Variants in ARHGAP44 observed in about 807,000 individuals in gnomAD.
ARHGAP44 encodes the protein Rho GTPase activating protein 44.
ARHGAP44 carries 43 observed loss-of-function variants against 106.8 expected under a neutral mutation model. That is an observed-to-expected ratio of 0.40 (90% CI 0.32 to 0.52). ARHGAP44 has a LOEUF of 0.52. Among genes scored for constraint, ARHGAP44 ranks in the 20% least tolerant of loss-of-function variants. The pLI, the probability that ARHGAP44 is intolerant of heterozygous loss-of-function variation, is 0.48. For synonymous variants in ARHGAP44, 439 were observed against 410.3 expected (o/e 1.07, Z -0.85); for missense variants, 866 against 1,050.5 (o/e 0.82, Z 2.43).
chr17:12,971,100 T>C (rs1020383446), intron 16 of ARHGAP44, among the ~76,000 whole-genome samples: 2 of 152,214 alleles, frequency 1.3e-5, no homozygotes, highest in African/African-American at 4.8e-5. Context: ...AAAGTCGTGA[T>C]TGCATATGGC....
At chr17:12,989,116 A>AAAG (rs2040040147) in intron 20 of ARHGAP44, among the ~76,000 whole-genome samples, 1 of 146,320 alleles carries the variant, frequency 6.8e-6, no homozygotes, top group Admixed American at 6.8e-5. Flanking sequence ...AAAAAAAAAA[A>AAAG]AAAAAAAAAC....
intron 7 of ARHGAP44, among the ~76,000 whole-genome samples, chr17:12,931,587 C>T (rs1280161584): frequency 1.3e-5 from 2 of 151,900 alleles, no homozygotes; most frequent in South Asian, 2.1e-4. Flanking sequence ...AGCTCCGCCT[C>T]CCGGGTTCAC....
At chr17:12,963,732 G>A (rs1598127505) in intron 16 of ARHGAP44, among the ~76,000 whole-genome samples, 1 of 127,100 alleles carries the variant, frequency 7.9e-6, no homozygotes, top group South Asian at 3.0e-4. Flanking sequence ...CCGGCCTTGC[G>A]AAGCCCTGCC....
intron 4 of ARHGAP44, among the ~76,000 whole-genome samples, chr17:12,913,564 AT>A (rs1007334443): frequency 1.3e-5 from 2 of 152,210 alleles, no homozygotes; most frequent in Non-Finnish European, 2.9e-5. Context: ...TAATATTTAA[AT>A]TTTTTTAATT....
chr17:12,898,125 G>A lies in ARHGAP44; in HGVS notation c.198+1614G>A, dbSNP rs547064328. 4.8e-3 allele frequency among the ~76,000 whole-genome samples: 724 copies of A among 152,228 alleles called. 5 individuals are homozygous for A. The highest frequency in any genetic ancestry group is 0.017 in the African/African-American group (695 of 41,532). On this transcript the variant is annotated intron_variant, in intron 3 of 20. Coordinates refer to ENST00000379672, the MANE Select transcript of ARHGAP44 (RefSeq NM_014859.6). ...CAGGGGAAGCTCTAGGGTTGGTCAG[G>A]AGGTAAAGGAGGGGACTGTGGGCCA...
intron 1 of ARHGAP44, among the ~76,000 whole-genome samples, chr17:12,849,654 C>T (rs115950408): frequency 0.019 from 2,575 of 133,288 alleles, 79 homozygotes; most frequent in African/African-American, 0.072. Context: ...TGCTGTTGCT[C>T]AACAGTAGGA....
At position 12,789,816 on chromosome 17, in the gene ARHGAP44, G is replaced by T. The variant is rs2033678379; in HGVS notation, c.-23G>T. The T allele has an allele frequency of 6.7e-7, 1 of 1,500,368 alleles. No homozygotes were observed. The highest frequency in any genetic ancestry group is 8.9e-7 in the Non-Finnish European group (1 of 1,126,056). 92.9% of individuals were successfully genotyped at this position (1,500,368 alleles called of 1,614,324 possible). A position where few individuals can be genotyped will look rare whatever the true frequency, so the allele number is the denominator to read the frequency against. On this transcript the variant is annotated 5_prime_UTR_variant, in exon 1 of 21. Coordinates refer to ENST00000379672, the MANE Select transcript of ARHGAP44 (RefSeq NM_014859.6). The stretch of plus-strand genomic sequence containing the variant: ...TGCTCCGTCCTTCCCCAGCTCCCGG[G>T]CTAGCGCGGCAGCGGGGCCACGATG...
At chr17:12,911,991 A>C (rs935837622) in intron 4 of ARHGAP44, among the ~76,000 whole-genome samples, 5 of 152,226 alleles carry the variant, frequency 3.3e-5, no homozygotes, top group Non-Finnish European at 5.9e-5. Flanking sequence ...CTACAGATGA[A>C]TTCACATACT....
Position 12,984,844 on chromosome 17 carries a change from T to C in ARHGAP44, c.2253T>C (p.Ser751=). 1 of 1,613,984 alleles carries C rather than the reference T, an allele frequency of 6.2e-7. No homozygotes were observed. Residue 751 remains serine, a synonymous_variant, in exon 20 of 21, where the codon TCT becomes TCC. Transcript: ENST00000379672. ...PQPPTVNLSA[S]SPQSTEAPML... is the part of the protein sequence containing the mutation. ...CTCCCACAGTAAACCTCTCGGCCTC[T>C]AGTCCACAGTCCACGGAGGCCCCCA... is the stretch of plus-strand genomic sequence containing the variant.
At chr17:12,804,785 CTAGT>C (rs2034223595) in intron 1 of ARHGAP44, among the ~76,000 whole-genome samples, 1 of 152,162 alleles carries the variant, frequency 6.6e-6, no homozygotes, top group Non-Finnish European at 1.5e-5. Flanking sequence ...GTATTGTATT[CTAGT>C]TATACTTCTG....
intron 1 of ARHGAP44, among the ~76,000 whole-genome samples, chr17:12,817,667 A>G (rs1030768980): frequency 2.0e-5 from 3 of 152,064 alleles, no homozygotes; most frequent in Non-Finnish European, 2.9e-5. Context: ...CAAATTACTA[A>G]TATCAGGAAT....
intron 14 of ARHGAP44, 82 bp from the exon 15 acceptor site, chr17:12,956,573 C>A (rs2039131485): frequency 8.1e-7 from 1 of 1,232,042 alleles, no homozygotes; most frequent in Non-Finnish European, 1.2e-6. Flanking sequence ...CCTTCCTGGG[C>A]TCTGCAGCCA....
chr17:12,941,867 AT>A (rs2038718733), intron 8 of ARHGAP44, among the ~76,000 whole-genome samples: 1 of 152,194 alleles, frequency 6.6e-6, no homozygotes, highest in African/African-American at 2.4e-5. Context: ...AAAATCAGTT[AT>A]GCTCACCTGC....
chr17:12,909,196 A>G (rs2037648786), intron 4 of ARHGAP44, among the ~76,000 whole-genome samples: 1 of 152,212 alleles, frequency 6.6e-6, no homozygotes, highest in African/African-American at 2.4e-5. Context: ...AAACTGATGA[A>G]GGACAATTGA....
rs1335505539 is a variant in ARHGAP44 at position 12,944,135 on chromosome 17, A to C, written c.800A>C (p.Glu267Ala). ...LEEHLTISGR[E>A]IAFPIEACVT... ...GAGCACCTCACCATCAGCGGCCGGG[A>C]GATCGCCTTCCCCATCGAGGCGTGT... is the stretch of plus-strand genomic sequence containing the variant. The change falls in exon 10 of 21, where the codon GAG becomes GCG. Residue 267 changes from glutamate (E) to alanine (A), a missense_variant. Physicochemically the swap from Glu to Ala is moderately radical, Grantham distance 107 (BLOSUM62 -1). This residue lies in a region of ARHGAP44 where 448 missense variants were observed against 646.9 expected (regional missense o/e 0.69). Transcript: ENST00000379672. 5 of 1,612,778 alleles carry C rather than the reference A, an allele frequency of 3.1e-6. No homozygotes were observed. The highest frequency in any genetic ancestry group is 3.4e-6 in the Non-Finnish European group (4 of 1,179,790).
At chr17:12,962,399 C>A (rs1226539834) in intron 16 of ARHGAP44, among the ~76,000 whole-genome samples, 1 of 152,072 alleles carries the variant, frequency 6.6e-6, no homozygotes, top group Non-Finnish European at 1.5e-5. Flanking sequence ...TAAAATAATG[C>A]CCATCCACCA....
intron 15 of ARHGAP44, among the ~76,000 whole-genome samples, chr17:12,957,066 T>A (rs2039147314): frequency 6.7e-6 from 1 of 148,634 alleles, no homozygotes; most frequent in South Asian, 2.1e-4. Context: ...TTCTCCTGCC[T>A]CACCCCCTCT....
At chr17:12,803,578 A>T (rs564288249) in intron 1 of ARHGAP44, among the ~76,000 whole-genome samples, 1 of 152,238 alleles carries the variant, frequency 6.6e-6, no homozygotes, top group East Asian at 1.9e-4. Context: ...AGCTCACTGT[A>T]TGCTCAACTT....
intron 1 of ARHGAP44, among the ~76,000 whole-genome samples, chr17:12,864,318 G>A (rs956448528): frequency 7.2e-5 from 11 of 152,146 alleles, no homozygotes; most frequent in Admixed American, 7.2e-4. Context: ...CAACTGGTGT[G>A]AATTGAGAGG....
Sources: allele counts gnomAD v4.1 joint callset (sites outside exome capture counted in the v4.1 genomes callset), GRCh38; gene constraint gnomAD v4.1.1; regional missense constraint gnomAD v4.1.1; transcripts MANE v1.5; gene names NCBI Gene and HGNC (gene_info 2026-07-23, HGNC 2026-07-21).